The following VPS37A variants were observed in gnomAD, a reference collection of about 807,000 sequenced individuals.
The protein encoded by VPS37A is vacuolar protein sorting-associated protein 37A.
VPS37A carries 30 observed loss-of-function variants against 49.8 expected under a neutral mutation model. The ratio of observed to expected loss-of-function variants is 0.60; its 90% CI spans 0.45 to 0.82. The LOEUF is 0.82. VPS37A is among the 40% of genes least tolerant of loss of function. The pLI is 0.00. For missense variants in VPS37A, 593 were observed against 464.4 expected (o/e 1.28, Z -2.55); for synonymous variants, 195 against 160.6 (o/e 1.21, Z -1.62).
the VPS37A span, among the ~76,000 whole-genome samples, chr8:17,328,002 C>T: frequency 3.9e-5 from 6 of 152,098 alleles, no homozygotes; most frequent in African/African-American, 9.7e-5. Context: ...AGCAGTTGCT[C>T]AATTTTTAGT....
intron 6 of VPS37A, among the ~76,000 whole-genome samples, chr8:17,279,001 T>C (rs561937271): frequency 6.6e-6 from 1 of 152,266 alleles, no homozygotes; most frequent in Non-Finnish European, 1.5e-5. Flanking sequence ...GATACCCATT[T>C]TTGTTTTTGG....
intron 9 of VPS37A, among the ~76,000 whole-genome samples, chr8:17,281,719 T>C (rs1166331739): frequency 3.3e-5 from 5 of 151,926 alleles, no homozygotes; most frequent in Non-Finnish European, 5.9e-5. Context: ...AATCAAAAAT[T>C]CTAGAGAACT....
intron 4 of VPS37A, among the ~76,000 whole-genome samples, chr8:17,274,207 G>A (rs753718870): frequency 2.5e-4 from 38 of 152,194 alleles, no homozygotes; most frequent in Non-Finnish European, 4.7e-4. Context: ...ATATACATGC[G>A]TGTTTATATA....
At chr8:17,254,176 T>C (rs908806995) in intron 1 of VPS37A, among the ~76,000 whole-genome samples, 2 of 152,156 alleles carry the variant, frequency 1.3e-5, no homozygotes, top group African/African-American at 4.8e-5. Flanking sequence ...TTGACTTGTT[T>C]GTGAATACTT....
downstream of VPS37A, chr8:17,304,603 C>G (rs62498843): frequency 7.0e-7 from 1 of 1,436,332 alleles, no homozygotes; most frequent in Admixed American, 1.9e-5. Context: ...TGGAAAGGAA[C>G]TAATAATTGT....
the VPS37A span, among the ~76,000 whole-genome samples, chr8:17,319,595 C>G: frequency 6.6e-6 from 1 of 152,154 alleles, no homozygotes; most frequent in African/African-American, 2.4e-5. Context: ...ATACCAGGTA[C>G]CAGACACTAT....
At chr8:17,250,447 T>A (rs1811867340) in intron 1 of VPS37A, among the ~76,000 whole-genome samples, 1 of 152,218 alleles carries the variant, frequency 6.6e-6, no homozygotes. Flanking sequence ...CTATGAACAG[T>A]ACAAAAACTT....
rs1021522420 is a variant in VPS37A at position 17,297,456 on chromosome 8, AG to A, written c.*2471del. 6.7e-5 allele frequency: 10 copies of A among 148,648 alleles called. No individual in the cohort carries two copies. Among genetic ancestry groups the A allele is most frequent in the Admixed American group, 4.7e-4 (7 of 15,048 alleles). 9.2% of individuals were successfully genotyped at this position (148,648 alleles called of 1,614,324 possible). A position where few individuals can be genotyped will look rare whatever the true frequency, so the allele number is the denominator to read the frequency against. On this transcript the variant is annotated 3_prime_UTR_variant, in exon 12 of 12. Coordinates refer to ENST00000324849, the MANE Select transcript of VPS37A (RefSeq NM_152415.3). ...AGAAAGTAAACTAATGTGCTCTTAA[AG>A]AATAAAAATTTATTCTATGGTTTCT...
At chr8:17,310,265 T>C in the VPS37A span, among the ~76,000 whole-genome samples, 1 of 152,088 alleles carries the variant, frequency 6.6e-6, no homozygotes, top group African/African-American at 2.4e-5. Context: ...CCTCCCAAAA[T>C]GCTGGGATTA....
the VPS37A span, among the ~76,000 whole-genome samples, chr8:17,315,196 G>T: frequency 6.6e-6 from 1 of 152,174 alleles, no homozygotes; most frequent in African/African-American, 2.4e-5. Context: ...GACACAGAGG[G>T]AAGTTAAATG....
chr8:17,321,626 G>A, the VPS37A span, among the ~76,000 whole-genome samples: 1 of 152,184 alleles, frequency 6.6e-6, no homozygotes, highest in Non-Finnish European at 1.5e-5. Context: ...GGGTTTGTTT[G>A]GATAAACTCA....
the VPS37A span, among the ~76,000 whole-genome samples, chr8:17,325,076 A>G: frequency 2.0e-5 from 3 of 152,014 alleles, no homozygotes; most frequent in Admixed American, 1.3e-4. Flanking sequence ...AGCACTCCAT[A>G]AAGACATGAG....
At chr8:17,262,539 C>G (rs560685993) in intron 1 of VPS37A, among the ~76,000 whole-genome samples, 49 of 151,540 alleles carry the variant, frequency 3.2e-4, no homozygotes, top group African/African-American at 1.1e-3. Flanking sequence ...TTTAAATTTT[C>G]TCTTGTGGTG....
downstream of VPS37A, among the ~76,000 whole-genome samples, chr8:17,302,708 C>CG (rs1263505401): frequency 5.2e-5 from 3 of 57,266 alleles, no homozygotes; most frequent in African/African-American, 1.3e-4. Context: ...CAATAACCCC[C>CG]CCCCCCCCGC....
downstream of VPS37A, chr8:17,299,150 T>A (rs1816932977): frequency 6.6e-6 from 1 of 152,220 alleles, no homozygotes; most frequent in Admixed American, 6.5e-5. Flanking sequence ...GAATGAATGT[T>A]GCTTCTACCT....
At chr8:17,318,250 C>T in the VPS37A span, among the ~76,000 whole-genome samples, 7 of 152,054 alleles carry the variant, frequency 4.6e-5, no homozygotes, top group Non-Finnish European at 8.8e-5. Context: ...TTATCATGCT[C>T]GGGCTGGGAA....
the VPS37A span, among the ~76,000 whole-genome samples, chr8:17,321,588 C>T: frequency 1.3e-5 from 2 of 152,188 alleles, no homozygotes; most frequent in Admixed American, 6.5e-5. Flanking sequence ...AAGCGATTAG[C>T]GCCTGGATTT....
At chr8:17,306,118 C>G (rs772262603), downstream of VPS37A, among the ~76,000 whole-genome samples, 29 of 152,158 alleles carry the variant, frequency 1.9e-4, no homozygotes, top group Non-Finnish European at 3.7e-4. Flanking sequence ...ATTTTAAATT[C>G]AAATTTCCAG....
intron 11 of VPS37A, among the ~76,000 whole-genome samples, chr8:17,294,591 T>A (rs1816463640): frequency 6.6e-6 from 1 of 152,162 alleles, no homozygotes; most frequent in Non-Finnish European, 1.5e-5. Context: ...CCTGAGGGAA[T>A]CTCCTGGTCT....
Sources: gnomAD v4.1 joint callset for allele counts (sites outside exome capture counted in the v4.1 genomes callset) on GRCh38, gnomAD v4.1.1 for gene constraint, MANE v1.5 for transcripts, NCBI Gene and HGNC (gene_info 2026-07-23, HGNC 2026-07-21) for gene names.